Variants in C1QTNF4 observed in about 807,000 individuals in gnomAD.
C1QTNF4 encodes complement C1q tumor necrosis factor-related protein 4.
In C1QTNF4, 12 loss-of-function variants were observed where a neutral mutation model predicts 14.6. That is an observed-to-expected ratio of 0.82 (90% CI 0.53 to 1.33). The LOEUF (loss-of-function observed/expected upper bound fraction) is 1.33, where lower values mean the gene tolerates loss of function less well. Among genes scored for constraint, C1QTNF4 ranks in the 40% most tolerant of loss-of-function variants. C1QTNF4 has a pLI of 0.00. For missense variants in C1QTNF4, 558 were observed against 500.3 expected, an observed-to-expected ratio of 1.12 and a Z score of -1.10; for synonymous variants, 278 against 246.6, an observed-to-expected ratio of 1.13 and a Z score of -1.19.
intron 1 of C1QTNF4, among the ~76,000 whole-genome samples, chr11:47,592,989 G>A (rs991095358): frequency 2.0e-5 from 3 of 152,212 alleles, no homozygotes; most frequent in African/African-American, 7.2e-5. Flanking sequence ...AGGACAGGGA[G>A]GAGGGAAGGG....
upstream of C1QTNF4, chr11:47,594,773 G>A (rs1047533922): frequency 1.3e-5 from 2 of 152,328 alleles, no homozygotes; most frequent in African/African-American, 4.8e-5. Context: ...AAGTGGCCTT[G>A]GGGGAGAGGT....
At position 47,590,939 on chromosome 11, in the gene C1QTNF4, A is replaced by G. The variant is rs1303315690; in HGVS notation, c.-5-124T>C. On this transcript the variant is annotated intron_variant, in intron 1 of 1. Coordinates refer to ENST00000302514, the MANE Select transcript of C1QTNF4 (RefSeq NM_031909.3). ...GCCCTTGACCCACAAGTAGGTTTCA[A>G]TTTTCCTACATCCTTGGATTCTCAA... 8 of 1,377,924 alleles carry G rather than the reference A, an allele frequency of 5.8e-6. No individual in the cohort carries two copies. In the Admixed American group the frequency reaches 9.3e-5, roughly 16 times the overall value. The allele number at this position is 1,377,924 out of a possible 1,614,324, so 85.4% of individuals were successfully genotyped here.
chr11:47,589,875 G>C lies in C1QTNF4; in HGVS notation c.936C>G (p.Tyr312Ter). The C allele has an allele frequency of 6.4e-7, 1 of 1,557,550 alleles. No homozygotes were observed. The highest frequency in any genetic ancestry group is 8.7e-7 in the Non-Finnish European group (1 of 1,150,122). ...GCGGGGCGGCGGGGGCGAGGTCGGG[G>C]TACACCAGGAAGCCGGAGAAGGTGA... ...KYITFSGFLV[Y>*]PDLAPAAPPG... Residue 312 changes from tyrosine (Y) to a stop codon, truncating the protein, a stop_gained, in exon 2 of 2, where the codon TAC becomes TAG. Transcript: ENST00000302514. LOFTEE classifies it low-confidence loss of function (END_TRUNC).
intron 1 of C1QTNF4, among the ~76,000 whole-genome samples, chr11:47,593,529 A>G (rs1359921075): frequency 6.6e-6 from 1 of 152,102 alleles, no homozygotes; most frequent in Non-Finnish European, 1.5e-5. Context: ...CTGTGCACCC[A>G]GTACCCAGCC....
In C1QTNF4 at chr11:47,590,592, G is replaced by A; in HGVS notation, c.219C>T (p.Pro73=). Residue 73 remains proline (P), a synonymous_variant, in exon 2 of 2, where the codon CCC becomes CCT. Transcript: ENST00000302514. ...VATGQFRCRV[P]GAYFFSFTAG... is the part of the protein sequence containing the mutation. ...CCGTGAAGGAGAAGAAGTAGGCGCC[G>A]GGCACGCGGCAGCGAAACTGGCCGG... 6.2e-7 allele frequency: 1 copy of A among 1,606,236 alleles called. No individual in the cohort carries two copies. Among genetic ancestry groups the A allele is most frequent in the Non-Finnish European group, 8.5e-7 (1 of 1,177,120 alleles).
At chr11:47,592,942 A>AC (rs1375724931) in intron 1 of C1QTNF4, among the ~76,000 whole-genome samples, 13 of 152,176 alleles carry the variant, frequency 8.5e-5, no homozygotes, top group African/African-American at 3.1e-4. Context: ...TAATTCTCAC[A>AC]AAGGTGTCCT....
chr11:47,591,710 G>C (rs1368338819), intron 1 of C1QTNF4, among the ~76,000 whole-genome samples: 1 of 152,154 alleles, frequency 6.6e-6, no homozygotes, highest in East Asian at 1.9e-4. Flanking sequence ...TTAAGTGAAA[G>C]CTTGAACACA....
chr11:47,590,431 T>C lies in C1QTNF4; in HGVS notation c.380A>G (p.Asp127Gly). The C allele has an allele frequency of 6.6e-7, 1 of 1,508,978 alleles. No homozygotes were observed. The highest frequency in any genetic ancestry group is 1.2e-5 in the South Asian group (1 of 80,138). The allele number at this position is 1,508,978 out of a possible 1,614,324, so 93.5% of individuals were successfully genotyped here. A position where few individuals can be genotyped will look rare whatever the true frequency, so the allele number is the denominator to read the frequency against. ...AASQSAMLQLDYGDTVWLRLH... is the reference protein window; with the variant it reads ...AASQSAMLQLGYGDTVWLRLH... ...CCGCAGCCACACTGTGTCGCCGTAG[T>C]CGAGCTGCAGCATGGCGCTCTGGCT... is the stretch of plus-strand genomic sequence containing the variant. Residue 127 changes from aspartate (D) to glycine (G), a missense_variant, in exon 2 of 2, where the codon GAC becomes GGC. Asp to Gly is a moderately conservative substitution (Grantham distance 94, BLOSUM62 -1). Coordinates refer to ENST00000302514, the MANE Select transcript of C1QTNF4 (RefSeq NM_031909.3).
chr11:47,589,828 A>AGCTCCGAG lies in C1QTNF4; in HGVS notation c.975_982dup (p.Leu328ProfsTer45), dbSNP rs781116254. ...TCTTCTCTGGCCCGGGGCTCACAGT[A>AGCTCCGAG]GCTCCGAGGCCCCGAGGCCCGGCGG... On this transcript the variant is annotated frameshift_variant, in exon 2 of 2. Transcript: ENST00000302514. LOFTEE classifies it high-confidence loss of function. 14 of 1,538,076 alleles carry AGCTCCGAG rather than the reference A, an allele frequency of 9.1e-6. No individual in the cohort carries two copies. The South Asian group carries it at 1.4e-4, about 16-fold the overall frequency.
rs1191906443 is a variant in C1QTNF4, at chr11:47,590,293, G to A, written c.518C>T (p.Pro173Leu). The change falls in exon 2 of 2, where the codon CCC becomes CTC. Residue 173 changes from proline (P) to leucine (L), a missense_variant. By Grantham distance (98) the Pro-to-Leu change is moderately conservative. Transcript: ENST00000302514. Reference sequence around the variant, plus strand: ...CGCCGAGAAGGCCGAGCGCGGCTCGGGGGGCGCGGGCGGCCCGCGCGCAGG... The same window carrying A: ...CGCCGAGAAGGCCGAGCGCGGCTCGAGGGGCGCGGGCGGCCCGCGCGCAGG... ...DAPARGPPAP[P>L]EPRSAFSAAR... 4 of 1,167,842 alleles carry A rather than the reference G, an allele frequency of 3.4e-6. No individual in the cohort carries two copies. The highest frequency in any genetic ancestry group is 3.3e-5 in the African/African-American group (2 of 60,228). The allele number at this position is 1,167,842 out of a possible 1,614,324, so 72.3% of individuals were successfully genotyped here.
At chr11:47,595,158 TACTC>T (rs893184627), upstream of C1QTNF4, among the ~76,000 whole-genome samples, 31 of 152,180 alleles carry the variant, frequency 2.0e-4, no homozygotes, top group African/African-American at 6.5e-4. Context: ...CCCATGGTAA[TACTC>T]ACCAGAGGCA....
chr11:47,590,201 C>G lies in C1QTNF4; in HGVS notation c.610G>C (p.Asp204His), dbSNP rs764264597. The change falls in exon 2 of 2, where the codon GAC becomes CAC. Residue 204 changes from aspartate (D) to histidine (H), a missense_variant. By Grantham distance (81) the Asp-to-His change is moderately conservative. Transcript: ENST00000302514. Reference protein sequence around the residue: ...PGPRHQPLAFDTEFVNIGGDF... With the variant: ...PGPRHQPLAFHTEFVNIGGDF... ...CCGCCAATGTTGACGAACTCGGTGT[C>G]GAAGGCGAGTGGTTGGTGCCGCGGC... is the stretch of plus-strand genomic sequence containing the variant. 1.3e-6 allele frequency: 2 copies of G among 1,583,960 alleles called. No individual in the cohort carries two copies. Among genetic ancestry groups the G allele is most frequent in the Non-Finnish European group, 8.6e-7 (1 of 1,168,964 alleles).
rs1370505028 is a variant in C1QTNF4, at chr11:47,591,396, C to T, written c.-5-581G>A. ...CTGGCCTTGAAACCCCGCCCCCCCC[C>T]CTTTTTTTTTTGAGACGGAGTCTGG... On this transcript the variant is annotated intron_variant, in intron 1 of 1. Transcript: ENST00000302514. Among the ~76,000 whole-genome samples the T allele has an allele frequency of 1.1e-3, 134 of 118,288 alleles. 1 individual carries two copies. The highest frequency in any genetic ancestry group is 1.1e-3 in the Non-Finnish European group (65 of 57,762). 77.6% of individuals were successfully genotyped at this position (118,288 alleles called of 152,430 possible).
intron 1 of C1QTNF4, among the ~76,000 whole-genome samples, chr11:47,593,286 A>G (rs941333386): frequency 2.4e-4 from 37 of 152,152 alleles, no homozygotes; most frequent in African/African-American, 8.7e-4. Context: ...CCTTTTTGCA[A>G]AACTAGGAGA....
rs1017537906 is a variant in C1QTNF4 at position 47,594,194 on chromosome 11, C to G, written c.-52G>C. 1 of 152,158 alleles carries G rather than the reference C, an allele frequency of 6.6e-6. No homozygotes were observed. The highest frequency in any genetic ancestry group is 2.4e-5 in the African/African-American group (1 of 41,448). 9.4% of individuals were successfully genotyped at this position (152,158 alleles called of 1,614,324 possible). A position where few individuals can be genotyped will look rare whatever the true frequency, so the allele number is the denominator to read the frequency against. On this transcript the variant is annotated 5_prime_UTR_variant, in exon 1 of 2. Transcript: ENST00000302514. ...GTCGGGTTCGGTCTGAGCCCGCGAT[C>G]TGGCTCCGGGCTGCGGGCTGCGGGC...
chr11:47,590,395 G>C lies in C1QTNF4; in HGVS notation c.416C>G (p.Ala139Gly). The C allele has an allele frequency of 6.8e-7, 1 of 1,474,644 alleles. No individual in the cohort carries two copies. Among genetic ancestry groups the C allele is most frequent in the Non-Finnish European group, 8.9e-7 (1 of 1,120,422 alleles). 91.3% of individuals were successfully genotyped at this position (1,474,644 alleles called of 1,614,324 possible). A position where few individuals can be genotyped will look rare whatever the true frequency, so the allele number is the denominator to read the frequency against. Residue 139 changes from alanine to glycine, a missense_variant, in exon 2 of 2, where the codon GCC becomes GGC. By Grantham distance (60) the Ala-to-Gly change is moderately conservative. Coordinates refer to ENST00000302514, the MANE Select transcript of C1QTNF4 (RefSeq NM_031909.3). ...GGGCGCGCCTAGCGCGTACTGCGGG[G>C]CGCCATGCAGCCGCAGCCACACTGT... ...GDTVWLRLHG[A>G]PQYALGAPGA...
chr11:47,595,253 CCT>C (rs2097277564), upstream of C1QTNF4, among the ~76,000 whole-genome samples: 1 of 152,214 alleles, frequency 6.6e-6, no homozygotes, highest in South Asian at 2.1e-4. Context: ...TGTTCTCTCC[CCT>C]GACGGCTGTA....
chr11:47,590,739 T>TCCCGGGC lies in C1QTNF4; in HGVS notation c.65_71dup (p.Ser25ProfsTer5), dbSNP rs1331049054. 1.2e-6 allele frequency: 2 copies of TCCCGGGC among 1,604,386 alleles called. No homozygotes were observed. The highest frequency in any genetic ancestry group is 3.4e-5 in the Admixed American group (2 of 59,086). On this transcript the variant is annotated frameshift_variant, in exon 2 of 2. Coordinates refer to ENST00000302514, the MANE Select transcript of C1QTNF4 (RefSeq NM_031909.3). LOFTEE classifies it high-confidence loss of function. ...AGAAGGCCGAGCGCAGCTCAGAGGA[T>TCCCGGGC]CCCGGGCCGGGGGTCGGGCCCAGGG...
chr11:47,593,801 C>T (rs2097276692), intron 1 of C1QTNF4, among the ~76,000 whole-genome samples: 2 of 152,004 alleles, frequency 1.3e-5, no homozygotes, highest in Admixed American at 6.6e-5. Flanking sequence ...CTGAGGGGAT[C>T]GCAGAGTTCC....
Sources: allele counts gnomAD v4.1 joint callset (sites outside exome capture counted in the v4.1 genomes callset), GRCh38; gene constraint gnomAD v4.1.1; transcripts MANE v1.5; gene names NCBI Gene and HGNC (gene_info 2026-07-23, HGNC 2026-07-21).